Variants in PCSK6 observed in about 807,000 individuals in gnomAD.
The protein encoded by PCSK6 is paired basic amino acid cleaving enzyme 4.
PCSK6 carries 85 observed loss-of-function variants against 123.3 expected under a neutral mutation model. That is an observed-to-expected ratio of 0.69 (90% CI 0.58 to 0.83). The LOEUF is 0.83. Ranked by LOEUF, PCSK6 falls within the 40% of genes least tolerant of loss-of-function variation. The pLI, the probability that PCSK6 is intolerant of heterozygous loss-of-function variation, is 0.00. For missense variants in PCSK6, 1,191 were observed against 1,282.3 expected (o/e 0.93, Z 1.09); for synonymous variants, 508 against 516.0 (o/e 0.98, Z 0.21).
At chr15:101,361,160 C>T (rs2041208156) in intron 13 of PCSK6, among the ~76,000 whole-genome samples, 3 of 122,510 alleles carry the variant, frequency 2.4e-5, no homozygotes, top group Admixed American at 1.7e-4. Flanking sequence ...AGTTCTTTCT[C>T]TCTCTTTTTT....
chr15:101,381,971 CGTGCACACGCACAT>C, intron 11 of PCSK6, 107 bp downstream of exon 11: 1 of 655,620 alleles, frequency 1.5e-6, no homozygotes. Context: ...AGGCATGCAT[CGTGCACACGCACAT>C]GTGCACAGAA....
chr15:101,402,730 C>T (rs1173848541), intron 6 of PCSK6, among the ~76,000 whole-genome samples: 1 of 152,194 alleles, frequency 6.6e-6, no homozygotes, highest in African/African-American at 2.4e-5. Context: ...GATATCATCT[C>T]ACACCAGTTA....
intron 6 of PCSK6, among the ~76,000 whole-genome samples, chr15:101,400,749 TCACCCAGTAG>T (rs1168337202): frequency 2.6e-5 from 4 of 152,224 alleles, no homozygotes. Flanking sequence ...CTATCATCTT[TCACCCAGTAG>T]CACATGGATT....
At chr15:101,331,484 T>C (rs371398634) in intron 15 of PCSK6, among the ~76,000 whole-genome samples, 167 bp downstream of exon 15, 15 of 152,200 alleles carry the variant, frequency 9.9e-5, no homozygotes, top group African/African-American at 3.4e-4. Flanking sequence ...TGGATGTACT[T>C]GAGGGAGTCA....
chr15:101,404,620 A>T (rs751321182), intron 6 of PCSK6, among the ~76,000 whole-genome samples: 10 of 152,164 alleles, frequency 6.6e-5, no homozygotes, highest in Admixed American at 3.3e-4. Flanking sequence ...TCTCGCTTCC[A>T]CATGACCTTG....
intron 20 of PCSK6, among the ~76,000 whole-genome samples, chr15:101,310,081 A>G (rs1211176125): frequency 3.3e-5 from 5 of 152,214 alleles, no homozygotes; most frequent in Non-Finnish European, 5.9e-5. Flanking sequence ...TGGGGCCTGG[A>G]GGATGCCTGT....
At chr15:101,364,748 A>G in intron 13 of PCSK6, 1 of 452,700 alleles carries the variant, frequency 2.2e-6, no homozygotes, top group Non-Finnish European at 3.9e-6. Flanking sequence ...AATGATCTAC[A>G]TATCCAATCT....
chr15:101,339,687 T>C (rs1202037323), intron 13 of PCSK6, among the ~76,000 whole-genome samples: 1 of 152,106 alleles, frequency 6.6e-6, no homozygotes, highest in Non-Finnish European at 1.5e-5. Flanking sequence ...TGGGAGGATC[T>C]CTTGAGGCCA....
chr15:101,449,722 C>T (rs1440412775), intron 1 of PCSK6, among the ~76,000 whole-genome samples: 1 of 152,180 alleles, frequency 6.6e-6, no homozygotes, highest in Admixed American at 6.5e-5. Flanking sequence ...GAGGTGGGTT[C>T]TGAAATCCTC....
chr15:101,345,278 A>C (rs2040704318), intron 13 of PCSK6, among the ~76,000 whole-genome samples: 1 of 152,238 alleles, frequency 6.6e-6, no homozygotes, highest in South Asian at 2.1e-4. Flanking sequence ...TGTTGGAAAT[A>C]AAAGTCCACG....
rs961867411 is a variant in PCSK6, at chr15:101,337,824, A to AT, written c.1859-5794dup. Among the ~76,000 whole-genome samples, 32 of 151,726 alleles carry AT rather than the reference A, an allele frequency of 2.1e-4. No individual in the cohort carries two copies. The South Asian group carries it at 2.3e-3, about 11-fold the overall frequency. On this transcript the variant is annotated intron_variant, in intron 13 of 21. Transcript: ENST00000611716. Reference sequence around the variant, plus strand: ...GCTGAATGAATGAATCTGTTAAAACATTTTTTTTTACAGCAAAATACTTCA... The same window carrying AT: ...GCTGAATGAATGAATCTGTTAAAACATTTTTTTTTTACAGCAAAATACTTCA...
intron 6 of PCSK6, among the ~76,000 whole-genome samples, chr15:101,400,259 A>C (rs1205687578): frequency 6.6e-6 from 1 of 151,726 alleles, no homozygotes; most frequent in Non-Finnish European, 1.5e-5. Flanking sequence ...TTTTTCCCCC[A>C]CTGAGCTTTA....
chr15:101,346,831 G>C, intron 13 of PCSK6: 1 of 1,231,458 alleles, frequency 8.1e-7, no homozygotes, highest in Non-Finnish European at 1.0e-6. Context: ...ATACAGAACC[G>C]ACTAAACAAT....
intron 13 of PCSK6, among the ~76,000 whole-genome samples, chr15:101,356,987 G>T (rs540532379): frequency 2.4e-4 from 36 of 152,342 alleles, no homozygotes; most frequent in Admixed American, 1.3e-3. Context: ...GCATCAGTCA[G>T]ATCACTTAAT....
chr15:101,335,014 C>T (rs1033322511), intron 13 of PCSK6, among the ~76,000 whole-genome samples: 13 of 152,276 alleles, frequency 8.5e-5, no homozygotes, highest in Admixed American at 2.6e-4. Flanking sequence ...GGCTGGAGTA[C>T]AGTGGTACGA....
At chr15:101,409,263 C>G (rs1170307432) in intron 6 of PCSK6, among the ~76,000 whole-genome samples, 1 of 151,842 alleles carries the variant, frequency 6.6e-6, no homozygotes, top group East Asian at 1.9e-4. Context: ...CGAGACCATC[C>G]TGGCCAACAT....
chr15:101,473,998 T>G (rs768358204), intron 1 of PCSK6, among the ~76,000 whole-genome samples: 1 of 152,210 alleles, frequency 6.6e-6, no homozygotes, highest in Non-Finnish European at 1.5e-5. Flanking sequence ...AAATCTAACT[T>G]CTTGTTCTTG....
rs1469981217 is a variant in PCSK6, at chr15:101,398,752, A to G, written c.824-176T>C. ...TCTTCTCCATGCTGGCTGATGTGAA[A>G]GAACTCAGGCCAGGGCAACAAAAGA... On this transcript the variant is annotated intron_variant, in intron 6 of 21. Coordinates refer to ENST00000611716, the MANE Select transcript of PCSK6 (RefSeq NM_002570.5). The surrounding 1 kb of genome is among the most constrained non-coding windows in gnomAD (Gnocchi z 4.6). Among the ~76,000 whole-genome samples the G allele has an allele frequency of 6.6e-6, 1 of 152,228 alleles. No homozygotes were observed. The highest frequency in any genetic ancestry group is 1.5e-5 in the Non-Finnish European group (1 of 68,042).
In PCSK6 at chr15:101,370,627, C is replaced by T. The variant is rs558311044; in HGVS notation, c.1533-104G>A. ...GTCCACTCTATCCCCACTGCAGCCT[C>T]AGGGCCCTGCGGGCCCCGGGGAGCC... On this transcript the variant is annotated intron_variant, in intron 11 of 21. Coordinates refer to ENST00000611716, the MANE Select transcript of PCSK6 (RefSeq NM_002570.5). 7 of 1,122,306 alleles carry T rather than the reference C, an allele frequency of 6.2e-6. No homozygotes were observed. The African/African-American group carries it at 9.5e-5, about 15-fold the overall frequency. 69.5% of individuals were successfully genotyped at this position (1,122,306 alleles called of 1,614,324 possible).
Sources: gnomAD v4.1 joint callset for allele counts (sites outside exome capture counted in the v4.1 genomes callset) on GRCh38, gnomAD v4.1.1 for gene constraint, Gnocchi (gnomAD v3.1) non-coding constraint, MANE v1.5 for transcripts, NCBI Gene and HGNC (gene_info 2026-07-23, HGNC 2026-07-21) for gene names.